The following PCDHGA1 variants were observed in gnomAD, a reference collection of about 807,000 sequenced individuals.
The protein encoded by PCDHGA1 is protocadherin gamma subfamily A, 1, also known as protocadherin gamma-A1.
A neutral mutation model predicts 58.0 loss-of-function variants in PCDHGA1; 32 were observed. The ratio of observed to expected loss-of-function variants is 0.55; its 90% confidence interval spans 0.42 to 0.74. The LOEUF (loss-of-function observed/expected upper bound fraction) is 0.74, where lower values mean the gene tolerates loss of function less well. Among genes scored for constraint, PCDHGA1 ranks in the 30% least tolerant of loss-of-function variants. The pLI, the probability that PCDHGA1 is intolerant of heterozygous loss-of-function variation, is 0.00. For synonymous variants in PCDHGA1, 498 were observed against 501.1 expected (o/e 0.99, Z 0.08); for missense variants, 1,205 against 1,182.3 (o/e 1.02, Z -0.28).
At chr5:141,346,511 T>C (rs372625044) in intron 1 of PCDHGA1, 1 of 1,605,376 alleles carries the variant, frequency 6.2e-7, no homozygotes, top group Non-Finnish European at 8.5e-7. Flanking sequence ...ATGTGGTTAT[T>C]ATAAAGCTTT....
chr5:141,339,514 C>A, intron 1 of PCDHGA1: 2 of 1,614,126 alleles, frequency 1.2e-6, no homozygotes, highest in Non-Finnish European at 1.7e-6. Context: ...TCTCCCTGGA[C>A]GTGCGAAGGG....
Position 141,432,075 on chromosome 5 carries a change from C to T in PCDHGA1, c.2422-62732C>T. On this transcript the variant is annotated intron_variant, in intron 1 of 3. Transcript: ENST00000517417. The surrounding 1 kb of genome is among the most constrained non-coding windows in gnomAD (Gnocchi z 6.0). ...CCCCTATCCACGGAAACTCATATCT[C>T]GCTGAACGTGGCAGACACCAACGAC... 3 of 1,614,204 alleles carry T rather than the reference C, an allele frequency of 1.9e-6. No homozygotes were observed. Among genetic ancestry groups the T allele is most frequent in the Non-Finnish European group, 2.5e-6 (3 of 1,180,046 alleles).
chr5:141,494,778 C>CA, intron 1 of PCDHGA1, 29 bp from the exon 2 acceptor site: 1 of 1,614,086 alleles, frequency 6.2e-7, no homozygotes, highest in Non-Finnish European at 8.5e-7. Context: ...CACGGGTACT[C>CA]AGCCCCTTTC....
chr5:141,409,187 A>C, intron 1 of PCDHGA1: 1 of 1,614,024 alleles, frequency 6.2e-7, no homozygotes, highest in Non-Finnish European at 8.5e-7. Flanking sequence ...TGGTCTCTCT[A>C]CCCAGTGTAA....
chr5:141,438,513 A>G (rs2097964808), intron 1 of PCDHGA1, among the ~76,000 whole-genome samples: 1 of 148,768 alleles, frequency 6.7e-6, no homozygotes, highest in Non-Finnish European at 1.5e-5. Context: ...TGCAAAACCA[A>G]TTATTTTACA....
chr5:141,372,786 T>C (rs765183690), intron 1 of PCDHGA1: 6 of 1,605,480 alleles, frequency 3.7e-6, no homozygotes, highest in Non-Finnish European at 4.3e-6. Context: ...AGAAATGCCT[T>C]CTAATTCAGG....
intron 1 of PCDHGA1, chr5:141,341,644 G>A: frequency 6.8e-6 from 5 of 738,148 alleles, no homozygotes; most frequent in Admixed American, 3.0e-5. Context: ...AAAGAGCACT[G>A]CATTAGGAAC....
chr5:141,338,864 G>A (rs2149720587), intron 1 of PCDHGA1: 3 of 1,437,424 alleles, frequency 2.1e-6, no homozygotes, highest in East Asian at 2.5e-5. Flanking sequence ...TCTCTCCATA[G>A]GGACCTGGGT....
intron 1 of PCDHGA1, chr5:141,344,085 G>A (rs1757359453): frequency 6.2e-7 from 1 of 1,611,498 alleles, no homozygotes; most frequent in African/African-American, 1.3e-5. Flanking sequence ...CCTGCTGTGC[G>A]CGCTCCTGGG....
At chr5:141,356,429 T>C (rs1349646142) in intron 1 of PCDHGA1, 4 of 1,608,900 alleles carry the variant, frequency 2.5e-6, no homozygotes, top group African/African-American at 1.3e-5. Flanking sequence ...CACAGAACAC[T>C]GGACAGGGAA....
chr5:141,375,490 C>T (rs752487734), intron 1 of PCDHGA1: 1 of 1,614,012 alleles, frequency 6.2e-7, no homozygotes, highest in East Asian at 2.2e-5. Context: ...CCAGGGGTGC[C>T]TCCATCTTCT....
chr5:141,454,974 A>AT (rs2098808620), intron 1 of PCDHGA1, among the ~76,000 whole-genome samples: 1 of 151,182 alleles, frequency 6.6e-6, no homozygotes, highest in African/African-American at 2.4e-5. Context: ...CGCCTGGCTA[A>AT]TTTTTTAAAA....
Position 141,491,364 on chromosome 5 carries a change from C to T in PCDHGA1, c.2422-3443C>T. 1 of 1,614,164 alleles carries T rather than the reference C, an allele frequency of 6.2e-7. No homozygotes were observed. The highest frequency in any genetic ancestry group is 8.5e-7 in the Non-Finnish European group (1 of 1,180,000). On this transcript the variant is annotated intron_variant, in intron 1 of 3. Coordinates refer to ENST00000517417, the MANE Select transcript of PCDHGA1 (RefSeq NM_018912.3). This position sits in a 1 kb window ranked among gnomAD's most constrained non-coding sequence, Gnocchi z 6.9. The stretch of plus-strand genomic sequence containing the variant: ...CCGTCAGTCTCTTATCCCTAGTCAC[C>T]TTCACCTTTCTGTCAGCGAAGTGCC...
intron 1 of PCDHGA1, chr5:141,408,896 GT>G: frequency 6.2e-7 from 1 of 1,613,328 alleles, no homozygotes; most frequent in Non-Finnish European, 8.5e-7. Context: ...AGAAATTTCT[GT>G]CAAGGATACC....
In PCDHGA1 at chr5:141,335,469, T is replaced by C. The variant is rs528930809; in HGVS notation, c.2421+2364T>C. Among the ~76,000 whole-genome samples, 48 of 152,210 alleles carry C rather than the reference T, an allele frequency of 3.2e-4. No individual in the cohort carries two copies. In the South Asian group the frequency reaches 1.0e-2, roughly 32 times the overall value. ...TTATAGTTGTAAAAAGAGCAGATGATCAAAAGGATATAAAAATATAAGCTT... is the reference window on the plus strand; with the variant it reads ...TTATAGTTGTAAAAAGAGCAGATGACCAAAAGGATATAAAAATATAAGCTT... On this transcript the variant is annotated intron_variant, in intron 1 of 3. Transcript: ENST00000517417.
intron 1 of PCDHGA1, chr5:141,345,660 A>G (rs755723564): frequency 1.2e-6 from 2 of 1,614,210 alleles, no homozygotes; most frequent in Non-Finnish European, 8.5e-7. Flanking sequence ...CCCTCCACTC[A>G]GCAGCAACGT....
intron 1 of PCDHGA1, chr5:141,362,702 T>A: frequency 9.7e-7 from 1 of 1,031,990 alleles, no homozygotes; most frequent in Non-Finnish European, 1.4e-6. Flanking sequence ...AACTGAATTT[T>A]AAGTGTTTTC....
At chr5:141,458,870 C>G (rs540373442) in intron 1 of PCDHGA1, among the ~76,000 whole-genome samples, 1 of 152,264 alleles carries the variant, frequency 6.6e-6, no homozygotes, top group South Asian at 2.1e-4. Flanking sequence ...GTAGCTGGGA[C>G]TACAGGCATG....
intron 1 of PCDHGA1, chr5:141,372,712 A>C (rs781319922): frequency 1.2e-6 from 2 of 1,613,946 alleles, no homozygotes; most frequent in South Asian, 2.2e-5. Flanking sequence ...ATAAAGGCTG[A>C]AAATGCTGCA....
Sources: gnomAD v4.1 joint callset for allele counts (sites outside exome capture counted in the v4.1 genomes callset) on GRCh38, gnomAD v4.1.1 for gene constraint, Gnocchi (gnomAD v3.1) non-coding constraint, MANE v1.5 for transcripts, NCBI Gene and HGNC (gene_info 2026-07-23, HGNC 2026-07-21) for gene names.